The following UTRN variants were observed in gnomAD, a reference collection of about 807,000 sequenced individuals.
UTRN encodes the protein dystrophin-related protein 1.
UTRN carries 283 observed loss-of-function variants against 463.9 expected under a neutral mutation model. The observed-to-expected ratio is 0.61, with a 90% CI of 0.55 to 0.67. The LOEUF (loss-of-function observed/expected upper bound fraction) is 0.67. Among genes scored for constraint, UTRN ranks in the 30% least tolerant of loss-of-function variants. The pLI, the probability that UTRN is intolerant of heterozygous loss-of-function variation, is 0.00. For synonymous variants in UTRN, 1,442 were observed against 1,431.5 expected (o/e 1.01, Z -0.17); for missense variants, 3,922 against 4,084.3 (o/e 0.96, Z 1.08).
chr6:144,320,014 C>T (rs552938632), intron 2 of UTRN, among the ~76,000 whole-genome samples: 5 of 152,122 alleles, frequency 3.3e-5, no homozygotes, highest in South Asian at 4.2e-4. Flanking sequence ...CCACCACGCC[C>T]GGCTAGTTTT....
chr6:144,552,749 T>G (rs757292803), intron 48 of UTRN, among the ~76,000 whole-genome samples: 7 of 152,178 alleles, frequency 4.6e-5, no homozygotes, highest in Non-Finnish European at 1.0e-4. Context: ...ATGGGATAAT[T>G]TGCCTATTTC....
chr6:144,844,325 A>G (rs1781842245), intron 73 of UTRN, among the ~76,000 whole-genome samples: 1 of 151,354 alleles, frequency 6.6e-6, no homozygotes, highest in Admixed American at 6.6e-5. Flanking sequence ...CTGGAGTTCA[A>G]TGGCACGATC....
At chr6:144,313,959 A>G (rs1167005320) in intron 2 of UTRN, among the ~76,000 whole-genome samples, 1 of 152,210 alleles carries the variant, frequency 6.6e-6, no homozygotes, top group Non-Finnish European at 1.5e-5. Flanking sequence ...TTTTTATAAT[A>G]TACATGTTAT....
intron 2 of UTRN, among the ~76,000 whole-genome samples, chr6:144,330,239 G>A (rs1584304991): frequency 6.6e-6 from 1 of 152,178 alleles, no homozygotes. Context: ...GATTGAGGCC[G>A]GTGATTGGGA....
chr6:144,831,394 T>G (rs1193334542), intron 69 of UTRN, among the ~76,000 whole-genome samples: 3 of 152,032 alleles, frequency 2.0e-5, no homozygotes, highest in African/African-American at 4.8e-5. Context: ...CAGAGAGAGA[T>G]CTGCAGATGC....
intron 33 of UTRN, among the ~76,000 whole-genome samples, chr6:144,494,542 T>C (rs907189527): frequency 6.6e-6 from 1 of 152,208 alleles, no homozygotes; most frequent in African/African-American, 2.4e-5. Context: ...GGGTTGCCAC[T>C]GCTGGCTCGC....
Position 144,291,908 on chromosome 6 carries a change from G to T in UTRN, c.79+1G>T. 1 of 1,607,820 alleles carries T rather than the reference G, an allele frequency of 6.2e-7. No homozygotes were observed. Among genetic ancestry groups the T allele is most frequent in the Non-Finnish European group, 8.5e-7 (1 of 1,177,196 alleles). On this transcript the variant is annotated splice_donor_variant, in intron 2 of 74. Transcript: ENST00000367545. LOFTEE classifies it high-confidence loss of function. ...AGTGATATCATTAAGTCCAGATCTGGTAGGTAAAGGAAGCTCAAGAAAGCT... is the reference window on the plus strand; with the variant it reads ...AGTGATATCATTAAGTCCAGATCTGTTAGGTAAAGGAAGCTCAAGAAAGCT...
intron 45 of UTRN, among the ~76,000 whole-genome samples, chr6:144,542,263 T>C (rs1010913184): frequency 5.9e-5 from 9 of 152,164 alleles, no homozygotes; most frequent in Non-Finnish European, 8.8e-5. Context: ...GATGTGGACA[T>C]ATCTGAATAT....
intron 42 of UTRN, among the ~76,000 whole-genome samples, chr6:144,532,550 C>T (rs537272573): frequency 1.3e-5 from 2 of 152,296 alleles, no homozygotes; most frequent in African/African-American, 4.8e-5. Flanking sequence ...GGGTCCCTCC[C>T]TTGGCATGTG....
chr6:144,328,135 A>G (rs560958953), intron 2 of UTRN, among the ~76,000 whole-genome samples: 22 of 151,996 alleles, frequency 1.4e-4, no homozygotes, highest in Non-Finnish European at 5.9e-5. Context: ...TTGCAAGCCC[A>G]GGGCCTTGAT....
chr6:144,573,531 T>TA (rs1801151822), intron 50 of UTRN, among the ~76,000 whole-genome samples: 1 of 151,606 alleles, frequency 6.6e-6, no homozygotes, highest in Admixed American at 6.6e-5. Context: ...CTGTCTCTAT[T>TA]AAAAAAATAC....
intron 2 of UTRN, among the ~76,000 whole-genome samples, chr6:144,360,031 T>TTTTCCCTTCC (rs1778908279): frequency 1.5e-5 from 2 of 129,984 alleles, no homozygotes; most frequent in African/African-American, 5.6e-5. Flanking sequence ...TTCTTTTCTT[T>TTTTCCCTTCC]TTTCCCTTCC....
intron 2 of UTRN, among the ~76,000 whole-genome samples, chr6:144,300,090 T>TC (rs2114529331): frequency 6.6e-6 from 1 of 151,970 alleles, no homozygotes; most frequent in East Asian, 1.9e-4. Flanking sequence ...CTTGTGATTT[T>TC]TTTTTTTTTT....
intron 49 of UTRN, 133 bp from the exon 50 acceptor site, chr6:144,557,024 T>A: frequency 8.9e-7 from 1 of 1,125,430 alleles, no homozygotes; most frequent in Non-Finnish European, 1.2e-6. Flanking sequence ...CAAAAGGGTT[T>A]GCCCCCAGTC....
At chr6:144,501,577 C>A (rs970941377) in intron 34 of UTRN, among the ~76,000 whole-genome samples, 7 of 151,918 alleles carry the variant, frequency 4.6e-5, no homozygotes, top group Non-Finnish European at 8.8e-5. Flanking sequence ...TTTACCTATA[C>A]TTGTTTTTAT....
At chr6:144,701,065 C>T (rs1784544537) in intron 53 of UTRN, among the ~76,000 whole-genome samples, 1 of 152,130 alleles carries the variant, frequency 6.6e-6, no homozygotes, top group Non-Finnish European at 1.5e-5. Context: ...TGCCACCATG[C>T]CCGGCTAATT....
At chr6:144,822,960 A>G (rs1036356025) in intron 66 of UTRN, among the ~76,000 whole-genome samples, 6 of 152,156 alleles carry the variant, frequency 3.9e-5, no homozygotes, top group African/African-American at 7.2e-5. Flanking sequence ...TCATGCAGAT[A>G]GATGCATATT....
At chr6:144,842,716 G>A (rs1053512692) in intron 73 of UTRN, among the ~76,000 whole-genome samples, 2 of 152,152 alleles carry the variant, frequency 1.3e-5, no homozygotes, top group Non-Finnish European at 2.9e-5. Context: ...TGTTTTGCCA[G>A]TGTTTCCCAG....
intron 58 of UTRN, among the ~76,000 whole-genome samples, chr6:144,764,882 A>C (rs1309055760): frequency 6.6e-6 from 1 of 152,232 alleles, no homozygotes; most frequent in Admixed American, 6.5e-5. Context: ...AACTTAAAGG[A>C]TACAATGATC....
Sources: gnomAD v4.1 joint callset for allele counts (sites outside exome capture counted in the v4.1 genomes callset) on GRCh38, gnomAD v4.1.1 for gene constraint, MANE v1.5 for transcripts, NCBI Gene and HGNC (gene_info 2026-07-23, HGNC 2026-07-21) for gene names.